The following BOD1L1 variants were observed in gnomAD, a reference collection of about 807,000 sequenced individuals.
The protein encoded by BOD1L1 is biorientation of chromosomes in cell division protein 1-like 1.
A neutral mutation model predicts 240.7 loss-of-function variants in BOD1L1; 86 were observed. The ratio of observed to expected loss-of-function variants is 0.36; its 90% CI spans 0.30 to 0.43. The LOEUF (loss-of-function observed/expected upper bound fraction) is 0.43. Ranked by LOEUF, BOD1L1 falls within the 20% of genes least tolerant of loss-of-function variation. BOD1L1 has a pLI of 1.00. For missense variants in BOD1L1, 3,554 were observed against 3,643.5 expected, an observed-to-expected ratio of 0.98 and a Z score of 0.63; for synonymous variants, 1,268 against 1,272.3, an observed-to-expected ratio of 1.00 and a Z score of 0.07.
At chr4:13,575,077 A>G (rs1327697509) in intron 25 of BOD1L1, among the ~76,000 whole-genome samples, 1 of 151,482 alleles carries the variant, frequency 6.6e-6, no homozygotes. Context: ...GTGCCACCAC[A>G]CCCAGCTAAT....
At chr4:13,572,335 G>A (rs768018996) in intron 25 of BOD1L1, among the ~76,000 whole-genome samples, 3 of 152,242 alleles carry the variant, frequency 2.0e-5, no homozygotes, top group African/African-American at 4.8e-5. Flanking sequence ...GGCAGGGGCC[G>A]TGCCTGAAAG....
intron 2 of BOD1L1, among the ~76,000 whole-genome samples, chr4:13,616,074 G>A (rs937034513): frequency 5.3e-5 from 8 of 152,204 alleles, no homozygotes; most frequent in African/African-American, 1.4e-4. Flanking sequence ...TCTTCCCGCT[G>A]TAAAAACTGG....
chr4:13,593,848 T>A (rs760185921), intron 12 of BOD1L1, among the ~76,000 whole-genome samples: 1 of 152,200 alleles, frequency 6.6e-6, no homozygotes, highest in Non-Finnish European at 1.5e-5. Flanking sequence ...GAGCCCAGAC[T>A]GTGGTCTGGA....
chr4:13,590,864 G>A lies in BOD1L1; in HGVS notation c.8149-418C>T, dbSNP rs149661724. On this transcript the variant is annotated intron_variant, in intron 13 of 25. Coordinates refer to ENST00000040738, the MANE Select transcript of BOD1L1 (RefSeq NM_148894.3). ...ACTGTTTTTCTTTTTTTAAACTGAG[G>A]GGAAAGGCTCAGAATATCCTATAAT... 5.1e-4 allele frequency among the ~76,000 whole-genome samples: 77 copies of A among 151,852 alleles called. No homozygotes were observed. The East Asian group carries it at 0.013, about 26-fold the overall frequency.
At chr4:13,627,248 A>G in intron 1 of BOD1L1, 97 bp downstream of exon 1, 1 of 567,258 alleles carries the variant, frequency 1.8e-6, no homozygotes, top group Non-Finnish European at 2.4e-6. Context: ...AGTCCGTGGC[A>G]CACAGCTGCA....
Position 13,620,057 on chromosome 4 carries a change from T to G in BOD1L1, c.254A>C (p.Gln85Pro), listed in dbSNP as rs1423694908. 1 of 1,604,536 alleles carries G rather than the reference T, an allele frequency of 6.2e-7. No individual in the cohort carries two copies. Among genetic ancestry groups the G allele is most frequent in the Non-Finnish European group, 8.5e-7 (1 of 1,174,794 alleles). ...LADVDTKPAY[Q>P]NLRQRVDNFV... ...GTTGTCAACACGCTGTCTCAGATTC[T>G]GATACGCAGGCTAGAGAGAAAAAAA... Residue 85 changes from glutamine (Q) to proline (P), a missense_variant, in exon 2 of 26, where the codon CAG becomes CCG. Gln to Pro is a moderately conservative substitution (Grantham distance 76). Coordinates refer to ENST00000040738, the MANE Select transcript of BOD1L1 (RefSeq NM_148894.3).
At chr4:13,611,615 A>T (rs1303190249) in intron 5 of BOD1L1, among the ~76,000 whole-genome samples, 3 of 152,198 alleles carry the variant, frequency 2.0e-5, no homozygotes, top group African/African-American at 7.2e-5. Flanking sequence ...TACTATTTAG[A>T]CTGGGCTTCA....
chr4:13,595,982 G>A, intron 11 of BOD1L1, 38 bp from the exon 12 acceptor site: 1 of 1,572,836 alleles, frequency 6.4e-7, no homozygotes. Context: ...AAGTTAACCA[G>A]GGTTTTTACA....
In BOD1L1 at chr4:13,605,055, TGAA is replaced by T; in HGVS notation, c.1842_1844del (p.Ser615del). The T allele has an allele frequency of 6.4e-7, 1 of 1,559,538 alleles. No homozygotes were observed. The highest frequency in any genetic ancestry group is 2.2e-5 in the Admixed American group (1 of 44,866). On this transcript the variant is annotated inframe_deletion, in exon 10 of 26. Coordinates refer to ENST00000040738, the MANE Select transcript of BOD1L1 (RefSeq NM_148894.3). Reference sequence around the variant, plus strand: ...TTGCATGAACATGCTTCAGCTCCTTTGAAGAAGAAATTTTTTCCTTTTCACAAT... The same window carrying T: ...TTGCATGAACATGCTTCAGCTCCTTTGAAGAAATTTTTTCCTTTTCACAAT...
chr4:13,621,630 C>T (rs931444785), intron 1 of BOD1L1, among the ~76,000 whole-genome samples: 2 of 152,184 alleles, frequency 1.3e-5, no homozygotes, highest in Admixed American at 6.5e-5. Context: ...CTCTATCTCT[C>T]TTACAATTTG....
In BOD1L1 at chr4:13,603,970, G is replaced by A; in HGVS notation, c.2930C>T (p.Ala977Val). 1 of 1,613,902 alleles carries A rather than the reference G, an allele frequency of 6.2e-7. No individual in the cohort carries two copies. The highest frequency in any genetic ancestry group is 1.3e-5 in the African/African-American group (1 of 75,018). ...CTGTGTACTATGTGCTGAAGAAGAA[G>A]CAGTCTCTAATACAGGTTCAACACC... is the stretch of plus-strand genomic sequence containing the variant. ...ETGVEPVLET[A>V]SSSAHSTQKD... The change falls in exon 10 of 26, where the codon GCT (alanine) becomes GTT (valine). Residue 977 changes from alanine (A) to valine (V), a missense_variant. Transcript: ENST00000040738.
chr4:13,580,357 G>T (rs1465177552), intron 21 of BOD1L1, among the ~76,000 whole-genome samples: 7 of 152,130 alleles, frequency 4.6e-5, no homozygotes, highest in African/African-American at 1.7e-4. Context: ...CACATTCAAG[G>T]AAACTGAGTC....
intron 21 of BOD1L1, among the ~76,000 whole-genome samples, chr4:13,580,533 G>A (rs1462248081): frequency 2.0e-5 from 3 of 152,134 alleles, no homozygotes; most frequent in East Asian, 1.9e-4. Context: ...AAATGCATGC[G>A]ATGGAATCCT....
intron 8 of BOD1L1, 118 bp downstream of exon 8, chr4:13,608,412 T>C (rs1001788561): frequency 2.3e-6 from 2 of 867,874 alleles, no homozygotes; most frequent in African/African-American, 3.6e-5. Flanking sequence ...AGGTCCTTCA[T>C]AAACATGCAG....
In BOD1L1 at chr4:13,615,295, G is replaced by C. The variant is rs767778877; in HGVS notation, c.559+17C>G. The C allele has an allele frequency of 1.9e-6, 3 of 1,587,202 alleles. No individual in the cohort carries two copies. The East Asian group carries it at 6.8e-5, about 36-fold the overall frequency. On this transcript the variant is annotated intron_variant, in intron 3 of 25. Coordinates refer to ENST00000040738, the MANE Select transcript of BOD1L1 (RefSeq NM_148894.3). ...GAAGAAAAACAATGGAACTGACCAA[G>C]AGTAAAAGCAAAGCACCTTGTGTAA... is the stretch of plus-strand genomic sequence containing the variant.
At chr4:13,617,868 A>C (rs925419154) in intron 2 of BOD1L1, among the ~76,000 whole-genome samples, 1 of 152,220 alleles carries the variant, frequency 6.6e-6, no homozygotes, top group African/African-American at 2.4e-5. Flanking sequence ...CTATACCTTC[A>C]GATTGAACAT....
At chr4:13,610,062 T>A (rs1716037002) in intron 6 of BOD1L1, among the ~76,000 whole-genome samples, 1 of 152,166 alleles carries the variant, frequency 6.6e-6, no homozygotes, top group Non-Finnish European at 1.5e-5. Context: ...CTACTAGCAT[T>A]TTGGGGTAGT....
intron 25 of BOD1L1, among the ~76,000 whole-genome samples, chr4:13,575,895 CTTT>C (rs35101769): frequency 1.7e-5 from 2 of 119,256 alleles, no homozygotes; most frequent in Non-Finnish European, 3.6e-5. Context: ...TTGCCAAACC[CTTT>C]TTTTTTTTTT....
At chr4:13,586,792 G>A (rs1006601330) in intron 16 of BOD1L1, among the ~76,000 whole-genome samples, 1 of 152,194 alleles carries the variant, frequency 6.6e-6, no homozygotes, top group African/African-American at 2.4e-5. Context: ...TACCACCTAA[G>A]AGGTATAGCT....
Sources: gnomAD v4.1 joint callset for allele counts (sites outside exome capture counted in the v4.1 genomes callset) on GRCh38, gnomAD v4.1.1 for gene constraint, MANE v1.5 for transcripts, NCBI Gene and HGNC (gene_info 2026-07-23, HGNC 2026-07-21) for gene names.